Variants in SCHIP1 observed in about 807,000 individuals in gnomAD.
The protein encoded by SCHIP1 is schwannomin interacting protein 1.
SCHIP1 carries 8 observed loss-of-function variants against 29.7 expected under a neutral mutation model. The ratio of observed to expected loss-of-function variants is 0.27; its 90% CI spans 0.16 to 0.49. The LOEUF (loss-of-function observed/expected upper bound fraction) is 0.49, where lower values mean the gene tolerates loss of function less well. SCHIP1 is among the 20% of genes least tolerant of loss of function. The pLI is 0.99. For synonymous variants in SCHIP1, 76 were observed against 94.9 expected (o/e 0.80, Z 1.16); for missense variants, 193 against 294.6 (o/e 0.66, Z 2.52).
the SCHIP1 span, among the ~76,000 whole-genome samples, chr3:159,284,906 A>G: frequency 6.6e-6 from 1 of 152,090 alleles, no homozygotes. Flanking sequence ...AAGGTTTTGA[A>G]TTTGTTCTAA....
At chr3:159,828,070 A>G in the SCHIP1 span, among the ~76,000 whole-genome samples, 1 of 151,466 alleles carries the variant, frequency 6.6e-6, no homozygotes, top group Non-Finnish European at 1.5e-5. Context: ...TTATTGTTAT[A>G]TTGTATTGCT....
chr3:159,383,345 C>T, the SCHIP1 span, among the ~76,000 whole-genome samples: 40 of 150,470 alleles, frequency 2.7e-4, no homozygotes, highest in South Asian at 2.3e-3. Context: ...GTTTTCCCAG[C>T]ACCATTTATT....
chr3:159,436,291 G>T, the SCHIP1 span, among the ~76,000 whole-genome samples: 1 of 152,152 alleles, frequency 6.6e-6, no homozygotes, highest in Non-Finnish European at 1.5e-5. Context: ...GTCAAGCAGA[G>T]CTGGGCTTGG....
the SCHIP1 span, among the ~76,000 whole-genome samples, chr3:159,734,575 C>T: frequency 6.6e-6 from 1 of 152,240 alleles, no homozygotes; most frequent in Non-Finnish European, 1.5e-5. Context: ...AAGCCACTTA[C>T]TTTATCTGTG....
At chr3:159,419,306 A>G in the SCHIP1 span, among the ~76,000 whole-genome samples, 1 of 152,286 alleles carries the variant, frequency 6.6e-6, no homozygotes, top group East Asian at 1.9e-4. Flanking sequence ...CTGTGTGTGA[A>G]GCACCTAGCA....
the SCHIP1 span, among the ~76,000 whole-genome samples, chr3:159,489,228 C>A: frequency 2.0e-5 from 3 of 152,050 alleles, no homozygotes; most frequent in East Asian, 1.9e-4. Flanking sequence ...AATATTTGCC[C>A]TATTCTTCCA....
the SCHIP1 span, among the ~76,000 whole-genome samples, chr3:159,403,138 G>T: frequency 2.0e-4 from 30 of 152,028 alleles, no homozygotes; most frequent in African/African-American, 6.8e-4. Context: ...TCCTTTAATG[G>T]GCAAATAAAA....
the SCHIP1 span, among the ~76,000 whole-genome samples, chr3:159,571,704 C>A: frequency 6.6e-6 from 1 of 152,164 alleles, no homozygotes; most frequent in African/African-American, 2.4e-5. Context: ...AGGAATGGTA[C>A]TAGCTCCTCT....
chr3:159,400,874 C>A, the SCHIP1 span, among the ~76,000 whole-genome samples: 1 of 152,160 alleles, frequency 6.6e-6, no homozygotes, highest in African/African-American at 2.4e-5. Context: ...AGGCTCTAGA[C>A]TTCCAGGTCT....
chr3:159,705,620 G>T, the SCHIP1 span, among the ~76,000 whole-genome samples: 14 of 152,278 alleles, frequency 9.2e-5, no homozygotes, highest in African/African-American at 3.1e-4. Flanking sequence ...AGGTGAAGAT[G>T]GTCAACATCA....
At chr3:159,612,724 G>C in the SCHIP1 span, among the ~76,000 whole-genome samples, 1 of 152,216 alleles carries the variant, frequency 6.6e-6, no homozygotes, top group South Asian at 2.1e-4. Context: ...TCCAGCCTGG[G>C]TGACAAGAGC....
chr3:159,336,133 A>G, the SCHIP1 span, among the ~76,000 whole-genome samples: 1 of 152,164 alleles, frequency 6.6e-6, no homozygotes, highest in South Asian at 2.1e-4. Flanking sequence ...TTGGCTGCAT[A>G]AATGTCTTCT....
the SCHIP1 span, among the ~76,000 whole-genome samples, chr3:159,595,521 C>T: frequency 1.3e-5 from 2 of 152,082 alleles, no homozygotes; most frequent in Non-Finnish European, 2.9e-5. Flanking sequence ...CTCTGCCCTT[C>T]AGGAGCCATG....
chr3:159,276,875 A>C, the SCHIP1 span, among the ~76,000 whole-genome samples: 3 of 152,176 alleles, frequency 2.0e-5, no homozygotes, highest in African/African-American at 7.2e-5. Context: ...GAACAAGTAC[A>C]CATCCAGGCA....
At chr3:159,701,468 A>T in the SCHIP1 span, among the ~76,000 whole-genome samples, 1 of 152,158 alleles carries the variant, frequency 6.6e-6, no homozygotes, top group African/African-American at 2.4e-5. Flanking sequence ...TGCTAATTTG[A>T]TATTTAATTG....
chr3:159,300,049 T>C, the SCHIP1 span, among the ~76,000 whole-genome samples: 1 of 151,522 alleles, frequency 6.6e-6, no homozygotes, highest in Admixed American at 6.6e-5. Flanking sequence ...GGTACCTCTA[T>C]TTGCCTCCTT....
chr3:159,607,511 G>A, the SCHIP1 span, among the ~76,000 whole-genome samples: 1 of 152,050 alleles, frequency 6.6e-6, no homozygotes, highest in East Asian at 1.9e-4. Flanking sequence ...TAAAATGAGG[G>A]GGCCCTTTCT....
chr3:159,631,831 C>T, the SCHIP1 span, among the ~76,000 whole-genome samples: 1 of 151,892 alleles, frequency 6.6e-6, no homozygotes, highest in Non-Finnish European at 1.5e-5. Flanking sequence ...TTATATTTTA[C>T]CACAAAAAAA....
the SCHIP1 span, among the ~76,000 whole-genome samples, chr3:159,812,301 CT>C: frequency 6.6e-5 from 10 of 152,102 alleles, no homozygotes; most frequent in African/African-American, 2.2e-4. Context: ...TCTTGCACTT[CT>C]TTTGTTCCTA....
Sources: allele counts gnomAD v4.1 joint callset (sites outside exome capture counted in the v4.1 genomes callset), GRCh38; gene constraint gnomAD v4.1.1; transcripts MANE v1.5; gene names NCBI Gene and HGNC (gene_info 2026-07-23, HGNC 2026-07-21).